NLRC5: variants seen among roughly 807,000 people sequenced by gnomAD.
NLRC5 encodes the protein protein NLRC5.
A neutral mutation model predicts 206.9 loss-of-function variants in NLRC5; 114 were observed. That is an observed-to-expected ratio of 0.55 (90% CI 0.47 to 0.64). The LOEUF (loss-of-function observed/expected upper bound fraction) is 0.64, where lower values mean the gene tolerates loss of function less well. Among genes scored for constraint, NLRC5 ranks in the 30% least tolerant of loss-of-function variants. The pLI is 0.00. For missense variants in NLRC5, 2,008 were observed against 2,305.5 expected (o/e 0.87, Z 2.64); for synonymous variants, 952 against 962.8 (o/e 0.99, Z 0.21).
At chr16:57,005,442 T>C (rs2058779578) in intron 1 of NLRC5, among the ~76,000 whole-genome samples, 1 of 151,524 alleles carries the variant, frequency 6.6e-6, no homozygotes, top group South Asian at 2.1e-4. Flanking sequence ...GAGGATCACT[T>C]GAGCGCAGGA....
intron 30 of NLRC5, among the ~76,000 whole-genome samples, chr16:57,060,522 T>G (rs1414442952): frequency 6.7e-6 from 1 of 148,904 alleles, no homozygotes; most frequent in Non-Finnish European, 1.5e-5. Context: ...TACACACACA[T>G]ACACCACACA....
At chr16:57,058,867 C>A in intron 28 of NLRC5, 105 bp from the exon 29 acceptor site, 1 of 947,744 alleles carries the variant, frequency 1.1e-6, no homozygotes, top group Non-Finnish European at 1.7e-6. Context: ...GACATGGAGG[C>A]TTCTCTTCTT....
chr16:57,013,686 G>T (rs1449316942), intron 1 of NLRC5: 2 of 844,438 alleles, frequency 2.4e-6, no homozygotes, highest in East Asian at 2.4e-5. Context: ...CTCACTTGCT[G>T]GTAACCTGGA....
chr16:57,036,182 G>C lies in NLRC5; in HGVS notation c.2710G>C (p.Asp904His). The C allele has an allele frequency of 6.2e-7, 1 of 1,612,914 alleles. No individual in the cohort carries two copies. Among genetic ancestry groups the C allele is most frequent in the South Asian group, 1.1e-5 (1 of 91,016 alleles). ...CCAGCTGCACATCGCCAGGAAGCTG[G>C]AGTGAGTTGTCCACCCCACCGCTGG... ...ASQLHIARKL[D>H]LSNNGLSVAG... Residue 904 changes from aspartate (D) to histidine (H), a missense_variant and splice_region_variant, in exon 14 of 49, where the codon GAC (aspartate) becomes CAC (histidine). Coordinates refer to ENST00000688547, the MANE Select transcript of NLRC5 (RefSeq NM_001384950.1).
intron 1 of NLRC5, among the ~76,000 whole-genome samples, chr16:57,002,037 C>T (rs1013416720): frequency 5.9e-5 from 9 of 152,218 alleles, no homozygotes; most frequent in Admixed American, 2.6e-4. Flanking sequence ...TTTCACTTAA[C>T]ATAATGGCCT....
In NLRC5 at chr16:57,077,986, G is replaced by A; in HGVS notation, c.5047G>A (p.Ala1683Thr). 1 of 1,611,034 alleles carries A rather than the reference G, an allele frequency of 6.2e-7. No individual in the cohort carries two copies. Among genetic ancestry groups the A allele is most frequent in the Non-Finnish European group, 8.5e-7 (1 of 1,178,232 alleles). The change falls in exon 43 of 49, where the codon GCT becomes ACT. Residue 1683 changes from alanine (A) to threonine (T), a missense_variant. Coordinates refer to ENST00000688547, the MANE Select transcript of NLRC5 (RefSeq NM_001384950.1). ...GGGGGATCCCACAGCCCTGGGGCTG[G>A]CTCAGGAGCTGCCCCAGCACCTGAG... ...ALGDPTALGLAQELPQHLRVL... is the reference protein window; with the variant it reads ...ALGDPTALGLTQELPQHLRVL...
chr16:57,011,690 C>CA (rs1179522669), intron 1 of NLRC5, among the ~76,000 whole-genome samples: 2 of 149,838 alleles, frequency 1.3e-5, no homozygotes, highest in Admixed American at 1.3e-4. Flanking sequence ...CACTGCACTC[C>CA]AGCCTGGGTG....
chr16:57,047,682 A>G, intron 23 of NLRC5, 54 bp downstream of exon 23: 1 of 1,463,586 alleles, frequency 6.8e-7, no homozygotes, highest in Admixed American at 1.8e-5. Flanking sequence ...CTGCCCAGTG[A>G]CCTGGGAGGG....
intron 2 of NLRC5, among the ~76,000 whole-genome samples, chr16:57,020,463 C>T (rs1288043392): frequency 3.0e-5 from 4 of 132,570 alleles, no homozygotes; most frequent in Middle Eastern, 3.4e-3. Flanking sequence ...TCCCCTGTCC[C>T]CCAGTTCCCC....
intron 1 of NLRC5, among the ~76,000 whole-genome samples, chr16:57,005,250 A>C (rs1163508912): frequency 6.6e-6 from 1 of 152,182 alleles, no homozygotes; most frequent in Non-Finnish European, 1.5e-5. Flanking sequence ...AATATCGTGA[A>C]CCTTGTAATT....
rs1253299450 is a variant in NLRC5 at position 57,082,646 on chromosome 16, C to T, written c.*118C>T. ...CCTCGGCAGGGCGCTCTGCACTCCA[C>T]CCAGGAGGAAGGATACGTGTGTCCT... On this transcript the variant is annotated 3_prime_UTR_variant, in exon 49 of 49. Coordinates refer to ENST00000688547, the MANE Select transcript of NLRC5 (RefSeq NM_001384950.1). 1.6e-5 allele frequency: 11 copies of T among 695,812 alleles called. No individual in the cohort carries two copies. The highest frequency in any genetic ancestry group is 1.7e-5 in the Non-Finnish European group (7 of 415,098). The allele number at this position is 695,812 out of a possible 1,614,324, so 43.1% of individuals were successfully genotyped here.
chr16:57,045,333 C>A, intron 20 of NLRC5, 115 bp from the exon 21 acceptor site: 1 of 856,610 alleles, frequency 1.2e-6, no homozygotes, highest in Non-Finnish European at 2.0e-6. Flanking sequence ...TCCTTGTTTG[C>A]TAAGAAAGCA....
chr16:57,006,456 TCGCC>T (rs1282189001), intron 1 of NLRC5, among the ~76,000 whole-genome samples: 1 of 132,616 alleles, frequency 7.5e-6, no homozygotes, highest in Non-Finnish European at 1.6e-5. Context: ...TTTCACTCTG[TCGCC>T]CAGGCTGGGG....
At chr16:56,992,604 G>A (rs2142088758) in intron 1 of NLRC5, among the ~76,000 whole-genome samples, 1 of 151,956 alleles carries the variant, frequency 6.6e-6, no homozygotes, top group African/African-American at 2.4e-5. Flanking sequence ...AGCTTCCTGA[G>A]TAGCTGGGAT....
At chr16:56,995,724 G>A (rs16964716) in intron 1 of NLRC5, among the ~76,000 whole-genome samples, 2,345 of 152,258 alleles carry the variant, frequency 0.015, 74 homozygotes, top group African/African-American at 0.054. Flanking sequence ...GAGGCATTCA[G>A]ATCTTACCGT....
Position 57,082,813 on chromosome 16 carries a change from C to T in NLRC5, c.*285C>T, listed in dbSNP as rs199476025. 12 of 321,706 alleles carry T rather than the reference C, an allele frequency of 3.7e-5. No homozygotes were observed. Among genetic ancestry groups the T allele is most frequent in the East Asian group, 5.8e-5 (1 of 17,248 alleles). 19.9% of individuals were successfully genotyped at this position (321,706 alleles called of 1,614,324 possible). On this transcript the variant is annotated 3_prime_UTR_variant, in exon 49 of 49. Transcript: ENST00000688547. ...GTGTCATGACAATGCATGACACGTA[C>T]GGTTATATGTGGCAGTGTGACCCCT...
chr16:56,989,916 C>T (rs2056600475), intron 1 of NLRC5, among the ~76,000 whole-genome samples: 1 of 152,204 alleles, frequency 6.6e-6, no homozygotes, highest in Non-Finnish European at 1.5e-5. Flanking sequence ...CTGTGCTCCC[C>T]TCCCTGCGCA....
intron 36 of NLRC5, 88 bp downstream of exon 36, chr16:57,067,916 A>AGTC: frequency 9.5e-7 from 1 of 1,050,928 alleles, no homozygotes; most frequent in Non-Finnish European, 1.5e-6. Flanking sequence ...GGCTCAGAGG[A>AGTC]CTCTTACTCT....
rs191790884 is a variant in NLRC5 at position 57,062,355 on chromosome 16, G to A, written c.4154+654G>A. On this transcript the variant is annotated intron_variant, in intron 32 of 48. Transcript: ENST00000688547. The stretch of plus-strand genomic sequence containing the variant: ...AATGTCCCCATTGTCCCCCAGATAA[G>A]ACAGCTGGCTTTTGGGATCCAGGAT... 312 of 330,526 alleles carry A rather than the reference G, an allele frequency of 9.4e-4. 1 individual carries two copies. The highest frequency in any genetic ancestry group is 8.5e-3 in the Admixed American group (184 of 21,604). 20.5% of individuals were successfully genotyped at this position (330,526 alleles called of 1,614,324 possible). A position where few individuals can be genotyped will look rare whatever the true frequency, so the allele number is the denominator to read the frequency against.
Sources: allele counts gnomAD v4.1 joint callset (sites outside exome capture counted in the v4.1 genomes callset), GRCh38; gene constraint gnomAD v4.1.1; transcripts MANE v1.5; gene names NCBI Gene and HGNC (gene_info 2026-07-23, HGNC 2026-07-21).